The following HAO2 variants were observed in gnomAD, a reference collection of about 807,000 sequenced individuals.
The protein encoded by HAO2 is hydroxyacid oxidase 2, also known as 2-Hydroxyacid oxidase 2.
A neutral mutation model predicts 37.4 loss-of-function variants in HAO2; 42 were observed. The ratio of observed to expected loss-of-function variants is 1.12; its 90% CI spans 0.88 to 1.45. The LOEUF (loss-of-function observed/expected upper bound fraction) is 1.45. Ranked by LOEUF, HAO2 falls within the 40% of genes most tolerant of loss-of-function variation. The pLI, the probability that HAO2 is intolerant of heterozygous loss-of-function variation, is 0.00. For synonymous variants in HAO2, 180 were observed against 162.8 expected, an observed-to-expected ratio of 1.11 and a Z score of -0.81; for missense variants, 476 against 430.2, an observed-to-expected ratio of 1.11 and a Z score of -0.94.
chr1:119,386,752 A>T lies in HAO2; in HGVS notation c.692A>T (p.Glu231Val). 1 of 1,613,786 alleles carries T rather than the reference A, an allele frequency of 6.2e-7. No individual in the cohort carries two copies. Among genetic ancestry groups the T allele is most frequent in the African/African-American group, 1.3e-5 (1 of 75,058 alleles). ...LKGILTKEDA[E>V]LAVKHNVQGI... ...GGGATTTTGACAAAAGAGGATGCAG[A>T]GTTAGCTGTGAAGCACAATGTCCAG... Residue 231 changes from glutamate (E) to valine (V), a missense_variant, in exon 5 of 8, where the codon GAG becomes GTG. By Grantham distance (121) the Glu-to-Val change is moderately radical. Transcript: ENST00000325945.
chr1:119,374,253 T>C (rs1205852750), intron 1 of HAO2, among the ~76,000 whole-genome samples: 1 of 152,236 alleles, frequency 6.6e-6, no homozygotes, highest in Non-Finnish European at 1.5e-5. Context: ...CACTGCCATC[T>C]GCACATGGCT....
At chr1:119,382,275 A>G (rs772929282) in intron 2 of HAO2, among the ~76,000 whole-genome samples, 9 of 152,236 alleles carry the variant, frequency 5.9e-5, no homozygotes, top group South Asian at 2.1e-4. Context: ...ATGTGCAAAA[A>G]TAATAATATT....
chr1:119,377,474 G>A (rs1649563180), intron 1 of HAO2, among the ~76,000 whole-genome samples: 1 of 152,164 alleles, frequency 6.6e-6, no homozygotes, highest in Admixed American at 6.5e-5. Context: ...CTTCTTCTAA[G>A]CCCTCCAAAC....
Position 119,386,759 on chromosome 1 carries a change from T to C in HAO2, c.699T>C (p.Ala233=), listed in dbSNP as rs754393671. 1.2e-6 allele frequency: 2 copies of C among 1,613,798 alleles called. No homozygotes were observed. Among genetic ancestry groups the C allele is most frequent in the Non-Finnish European group, 1.7e-6 (2 of 1,179,700 alleles). ...TGACAAAAGAGGATGCAGAGTTAGC[T>C]GTGAAGCACAATGTCCAGGGTATCA... ...GILTKEDAEL[A]VKHNVQGIIV... is the part of the protein sequence containing the mutation. The change falls in exon 5 of 8, where the codon GCT becomes GCC. Residue 233 remains alanine, a synonymous_variant. Coordinates refer to ENST00000325945, the MANE Select transcript of HAO2 (RefSeq NM_016527.4).
chr1:119,381,617 T>A (rs587651724), intron 2 of HAO2, among the ~76,000 whole-genome samples: 2 of 151,980 alleles, frequency 1.3e-5, no homozygotes, highest in Non-Finnish European at 2.9e-5. Flanking sequence ...TTGGAGAAAA[T>A]ATGGAGATCC....
chr1:119,377,612 C>A (rs1344910713), intron 1 of HAO2, among the ~76,000 whole-genome samples: 3 of 152,202 alleles, frequency 2.0e-5, no homozygotes, highest in African/African-American at 7.2e-5. Context: ...AAAAGAAATA[C>A]TTCAGACTAG....
chr1:119,393,093 T>G (rs1651041069), intron 7 of HAO2, among the ~76,000 whole-genome samples: 1 of 152,172 alleles, frequency 6.6e-6, no homozygotes, highest in Non-Finnish European at 1.5e-5. Flanking sequence ...GCCAAAGTTA[T>G]GGTGCACACA....
chr1:119,392,689 T>A lies in HAO2; in HGVS notation c.1000+2T>A. ...TCCACACTTCCATGGCCCTTACAGG[T>A]AAGTTAACATGTTTTCCCTGATTTG... On this transcript the variant is annotated splice_donor_variant, in intron 7 of 7. Coordinates refer to ENST00000325945, the MANE Select transcript of HAO2 (RefSeq NM_016527.4). LOFTEE classifies it high-confidence loss of function. The A allele has an allele frequency of 6.4e-7, 1 of 1,571,678 alleles. No individual in the cohort carries two copies. The highest frequency in any genetic ancestry group is 8.8e-7 in the Non-Finnish European group (1 of 1,141,344).
Position 119,380,743 on chromosome 1 carries a change from A to T in HAO2, c.-8-335A>T, listed in dbSNP as rs755163530. On this transcript the variant is annotated intron_variant, in intron 1 of 7. Coordinates refer to ENST00000325945, the MANE Select transcript of HAO2 (RefSeq NM_016527.4). ...GTGAAGGCAAGATACAAAAATAAGA[A>T]TTTTTTGTAATAAGCTTTTAAGAAG... 3.3e-6 allele frequency: 5 copies of T among 1,518,204 alleles called. No individual in the cohort carries two copies. In the Admixed American group the frequency reaches 5.0e-5, roughly 15 times the overall value. The allele number at this position is 1,518,204 out of a possible 1,614,324, so 94.0% of individuals were successfully genotyped here.
At chr1:119,388,640 C>A (rs587642518) in intron 5 of HAO2, among the ~76,000 whole-genome samples, 1 of 152,310 alleles carries the variant, frequency 6.6e-6, no homozygotes, top group South Asian at 2.1e-4. Context: ...GCTTGTATAA[C>A]CCTGCCTCAC....
At position 119,386,616 on chromosome 1, in the gene HAO2, C is replaced by T. The variant is rs368748003; in HGVS notation, c.562-6C>T. On this transcript the variant is annotated splice_region_variant and splice_polypyrimidine_tract_variant and intron_variant, in intron 4 of 7. Transcript: ENST00000325945. ...CAGGACTAAGTTCCCTTTTTATTTC[C>T]TATAGGGAAATGCAATACCTTATTT... The T allele has an allele frequency of 1.3e-6, 2 of 1,572,968 alleles. No individual in the cohort carries two copies. The highest frequency in any genetic ancestry group is 3.3e-5 in the Admixed American group (2 of 59,960).
At chr1:119,369,079 G>A (rs1648743554) in intron 1 of HAO2, 177 bp downstream of exon 1, 2 of 152,240 alleles carry the variant, frequency 1.3e-5, no homozygotes, top group Admixed American at 1.3e-4. Context: ...GGCAAAGGAA[G>A]ATTTGGTTTC....
intron 4 of HAO2, chr1:119,385,331 G>A: frequency 1.0e-6 from 1 of 985,278 alleles, no homozygotes; most frequent in Non-Finnish European, 1.2e-6. Flanking sequence ...TGAGAAATAG[G>A]AAAGCCACGG....
Position 119,393,942 on chromosome 1 carries a change from G to T in HAO2, c.*102G>T. On this transcript the variant is annotated 3_prime_UTR_variant, in exon 8 of 8. Coordinates refer to ENST00000325945, the MANE Select transcript of HAO2 (RefSeq NM_016527.4). ...GTCCTTCCTGGACCCCATTCTGTCC[G>T]GAGGCTCATGGCCCATATTTCCCAC... The T allele has an allele frequency of 6.4e-7, 1 of 1,570,222 alleles. No homozygotes were observed. Among genetic ancestry groups the T allele is most frequent in the Non-Finnish European group, 8.7e-7 (1 of 1,149,382 alleles).
intron 4 of HAO2, chr1:119,385,367 G>C: frequency 1.0e-6 from 1 of 983,704 alleles, no homozygotes. Flanking sequence ...GAACTGGAGA[G>C]TAAACTAAAA....
At chr1:119,392,043 T>A in intron 5 of HAO2, 67 bp from the exon 6 acceptor site, 1 of 1,433,272 alleles carries the variant, frequency 7.0e-7, no homozygotes, top group Non-Finnish European at 9.5e-7. Context: ...CCTGGTCATA[T>A]GCCAGGAAGA....
At chr1:119,393,000 G>A (rs950603190) in intron 7 of HAO2, among the ~76,000 whole-genome samples, 5 of 152,060 alleles carry the variant, frequency 3.3e-5, no homozygotes, top group African/African-American at 9.7e-5. Flanking sequence ...AGTCAACCCA[G>A]GCATGAAACT....
chr1:119,380,318 A>C (rs987790086), intron 1 of HAO2, among the ~76,000 whole-genome samples: 1 of 152,144 alleles, frequency 6.6e-6, no homozygotes, highest in Non-Finnish European at 1.5e-5. Flanking sequence ...ATAGGGCTCA[A>C]ATTGAAGATG....
At chr1:119,380,361 A>G (rs1044042499) in intron 1 of HAO2, 33 of 289,692 alleles carry the variant, frequency 1.1e-4, no homozygotes, top group Middle Eastern at 9.5e-4. Context: ...ATTGTTTCTC[A>G]GGTACCCAAA....
Sources: allele counts gnomAD v4.1 joint callset (sites outside exome capture counted in the v4.1 genomes callset), GRCh38; gene constraint gnomAD v4.1.1; transcripts MANE v1.5; gene names NCBI Gene and HGNC (gene_info 2026-07-23, HGNC 2026-07-21).